The following ITFG1 variants were observed in gnomAD, a reference collection of about 807,000 sequenced individuals.
ITFG1 encodes integrin alpha FG-GAP repeat containing 1.
In ITFG1, 34 loss-of-function variants were observed where a neutral mutation model predicts 81.8. That is an observed-to-expected ratio of 0.42 (90% CI 0.32 to 0.55). The LOEUF (loss-of-function observed/expected upper bound fraction) is 0.55, where lower values mean the gene tolerates loss of function less well. Among genes scored for constraint, ITFG1 ranks in the 20% least tolerant of loss-of-function variants. The probability of loss-of-function intolerance (pLI) is 0.17; values close to 1 mark genes in which losing one functional copy is unlikely to be tolerated. For missense variants in ITFG1, 672 were observed against 755.4 expected, an observed-to-expected ratio of 0.89 and a Z score of 1.29; for synonymous variants, 285 against 270.6, an observed-to-expected ratio of 1.05 and a Z score of -0.52.
chr16:47,423,045 T>C (rs1055303851), intron 6 of ITFG1, among the ~76,000 whole-genome samples: 3 of 152,124 alleles, frequency 2.0e-5, no homozygotes, highest in African/African-American at 7.2e-5. Flanking sequence ...CCCATTATTA[T>C]TGTGTGGGAG....
chr16:47,293,301 C>A (rs550172515), intron 10 of ITFG1, among the ~76,000 whole-genome samples: 1 of 150,684 alleles, frequency 6.6e-6, no homozygotes, highest in African/African-American at 2.4e-5. Context: ...GTATGAATAC[C>A]GCTGCAATAA....
chr16:47,461,120 G>A (rs1367729179), upstream of ITFG1: 3 of 1,364,788 alleles, frequency 2.2e-6, no homozygotes, highest in Non-Finnish European at 2.9e-6. Flanking sequence ...GTTACCGGCC[G>A]AGAGAGTGGC....
intron 6 of ITFG1, among the ~76,000 whole-genome samples, chr16:47,422,521 G>A (rs1968964189): frequency 6.6e-6 from 1 of 152,150 alleles, no homozygotes; most frequent in Non-Finnish European, 1.5e-5. Context: ...GAGTTAGGGA[G>A]GATTCCCTCT....
At chr16:47,347,334 T>A (rs148170747) in intron 8 of ITFG1, among the ~76,000 whole-genome samples, 34 of 152,336 alleles carry the variant, frequency 2.2e-4, no homozygotes, top group African/African-American at 6.7e-4. Flanking sequence ...GAAAATCGGG[T>A]CACTCCCACC....
intron 13 of ITFG1, 34 bp downstream of exon 13, chr16:47,237,931 T>A (rs774385590): frequency 6.4e-6 from 6 of 935,884 alleles, no homozygotes; most frequent in Non-Finnish European, 8.3e-6. Flanking sequence ...AGAATTTTCA[T>A]AGACATATTT....
rs189612844 is a variant in ITFG1, at chr16:47,346,048, T to A, written c.802+19740A>T. On this transcript the variant is annotated intron_variant, in intron 8 of 17. Transcript: ENST00000320640. ...TAACAGATATATACAGAACTTTCCA[T>A]CCAATGGCAGCAAAATACACATACT... 6.6e-5 allele frequency among the ~76,000 whole-genome samples: 10 copies of A among 152,278 alleles called. No individual in the cohort carries two copies. In the East Asian group the frequency reaches 1.9e-3, roughly 29 times the overall value.
intron 13 of ITFG1, among the ~76,000 whole-genome samples, chr16:47,225,529 T>C (rs1965746561): frequency 6.6e-6 from 1 of 152,090 alleles, no homozygotes; most frequent in Non-Finnish European, 1.5e-5. Flanking sequence ...AGCCAAAGAT[T>C]GAATGTTGAA....
intron 10 of ITFG1, among the ~76,000 whole-genome samples, chr16:47,271,523 T>C (rs1449653506): frequency 1.3e-5 from 2 of 152,182 alleles, no homozygotes; most frequent in African/African-American, 2.4e-5. Flanking sequence ...GAATATAAAA[T>C]GGCAAACCTG....
rs368590329 is a variant in ITFG1 at position 47,195,385 on chromosome 16, C to T, written c.1453+23483G>A. ...GGAAAGAACCAGTTGAAGTAAATAA[C>T]AGTACTCCCAATTTTCTCTTCTCAT... On this transcript the variant is annotated intron_variant, in intron 14 of 17. Coordinates refer to ENST00000320640, the MANE Select transcript of ITFG1 (RefSeq NM_030790.5). Among the ~76,000 whole-genome samples the T allele has an allele frequency of 1.6e-4, 25 of 152,294 alleles. No homozygotes were observed. The East Asian group carries it at 2.7e-3, about 16-fold the overall frequency.
At chr16:47,250,397 A>C (rs1966058514) in intron 12 of ITFG1, among the ~76,000 whole-genome samples, 1 of 151,392 alleles carries the variant, frequency 6.6e-6, no homozygotes. Context: ...TACACATATA[A>C]ATTTGTTAAA....
chr16:47,165,364 G>A (rs961449687), intron 14 of ITFG1, among the ~76,000 whole-genome samples: 2 of 152,220 alleles, frequency 1.3e-5, no homozygotes, highest in African/African-American at 4.8e-5. Flanking sequence ...AAAGGAACAT[G>A]AATTTAAGGA....
intron 8 of ITFG1, among the ~76,000 whole-genome samples, chr16:47,333,812 A>G (rs559069361): frequency 5.9e-5 from 9 of 152,220 alleles, no homozygotes; most frequent in Non-Finnish European, 1.2e-4. Flanking sequence ...TCAAGCAGGA[A>G]AACAGTCTTC....
intron 8 of ITFG1, among the ~76,000 whole-genome samples, chr16:47,352,469 C>G (rs1967975111): frequency 6.6e-6 from 1 of 152,168 alleles, no homozygotes; most frequent in Non-Finnish European, 1.5e-5. Flanking sequence ...TGCTCATCAT[C>G]ACTGGCCATC....
intron 8 of ITFG1, among the ~76,000 whole-genome samples, chr16:47,318,972 G>A (rs992996244): frequency 6.6e-6 from 1 of 152,002 alleles, no homozygotes; most frequent in Non-Finnish European, 1.5e-5. Context: ...TTTTTTTAAC[G>A]GTTATTTGCA....
In ITFG1 at chr16:47,246,560, CAG is replaced by C. The variant is rs371797094; in HGVS notation, c.1331-8554_1331-8553del. Among the ~76,000 whole-genome samples, 6 of 152,286 alleles carry C rather than the reference CAG, an allele frequency of 3.9e-5. No individual in the cohort carries two copies. The South Asian group carries it at 8.3e-4, about 21-fold the overall frequency. On this transcript the variant is annotated intron_variant, in intron 12 of 17. Transcript: ENST00000320640. ...TTATAAAGGTTTATCTGTGTCCACT[CAG>C]AAATTATTTTACCTACAGAACTTGA...
intron 17 of ITFG1, among the ~76,000 whole-genome samples, chr16:47,156,436 A>G (rs997892916): frequency 1.3e-5 from 2 of 152,082 alleles, no homozygotes; most frequent in African/African-American, 2.4e-5. Flanking sequence ...CTAATGTACT[A>G]ATTATTTTTT....
chr16:47,244,355 G>A (rs911896898), intron 12 of ITFG1, among the ~76,000 whole-genome samples: 1 of 152,106 alleles, frequency 6.6e-6, no homozygotes, highest in Non-Finnish European at 1.5e-5. Context: ...TGCAATGTGG[G>A]GCAATCTTGA....
At chr16:47,421,184 C>A (rs1178713525) in intron 6 of ITFG1, among the ~76,000 whole-genome samples, 1 of 150,760 alleles carries the variant, frequency 6.6e-6, no homozygotes, top group African/African-American at 2.4e-5. Context: ...TTAGGTAGGT[C>A]ATTTAAAAGA....
intron 7 of ITFG1, among the ~76,000 whole-genome samples, chr16:47,371,924 T>C (rs1968260264): frequency 6.6e-6 from 1 of 151,870 alleles, no homozygotes; most frequent in Admixed American, 6.6e-5. Context: ...TTTTTTTTTT[T>C]TTTTCCTGAG....
Sources: allele counts gnomAD v4.1 joint callset (sites outside exome capture counted in the v4.1 genomes callset), GRCh38; gene constraint gnomAD v4.1.1; transcripts MANE v1.5; gene names NCBI Gene and HGNC (gene_info 2026-07-23, HGNC 2026-07-21).